SPTB: variants seen among roughly 807,000 people sequenced by gnomAD.
SPTB encodes the protein spectrin beta, erythrocytic.
Under a neutral mutation model 256.2 loss-of-function variants are expected in SPTB, and 45 were observed. The ratio of observed to expected loss-of-function variants is 0.18; its 90% CI spans 0.14 to 0.23. The LOEUF is 0.23. Ranked by LOEUF, SPTB falls within the 10% of genes least tolerant of loss-of-function variation. SPTB has a pLI of 1.00. For missense variants in SPTB, 2,715 were observed against 3,040.4 expected (o/e 0.89, Z 2.52); for synonymous variants, 1,231 against 1,243.1 (o/e 0.99, Z 0.21).
intron 15 of SPTB, among the ~76,000 whole-genome samples, chr14:64,791,256 G>C (rs2082664530): frequency 6.6e-6 from 1 of 152,114 alleles, no homozygotes. Flanking sequence ...ACTGGGAAGG[G>C]GACTGTGGCT....
At position 64,760,663 on chromosome 14, in the gene SPTB, G is replaced by C. The variant is rs1215872025; in HGVS notation, c.6345+6063C>G. ...TACTTTTAAGAGATGAAGGACTGAG[G>C]TGGGGGATGGAGAAAAATGAAGGGA... On this transcript the variant is annotated intron_variant, in intron 32 of 35. Transcript: ENST00000644917. This position sits in a 1 kb window ranked among gnomAD's most constrained non-coding sequence, Gnocchi z 4.3. Among the ~76,000 whole-genome samples, 1 of 152,200 alleles carries C rather than the reference G, an allele frequency of 6.6e-6. No homozygotes were observed. Among genetic ancestry groups the C allele is most frequent in the South Asian group, 2.1e-4 (1 of 4,838 alleles).
Position 64,786,579 on chromosome 14 carries a change from T to C in SPTB, c.3386A>G (p.Gln1129Arg), listed in dbSNP as rs769684663. The C allele has an allele frequency of 6.6e-5, 106 of 1,614,052 alleles. No individual in the cohort carries two copies. Among genetic ancestry groups the C allele is most frequent in the Non-Finnish European group, 8.5e-5 (100 of 1,180,034 alleles). Reference sequence around the variant, plus strand: ...CAGATACTCTGGGTCCGTCTGGCCTTGGATCACTTTCTCCCCAGACTCCTT... The same window carrying C: ...CAGATACTCTGGGTCCGTCTGGCCTCGGATCACTTTCTCCCCAGACTCCTT... Reference protein sequence around the residue: ...RVKESGEKVIQGQTDPEYLLL... With the variant: ...RVKESGEKVIRGQTDPEYLLL... The change falls in exon 16 of 36, where the codon CAA becomes CGA. Residue 1129 changes from glutamine to arginine, a missense_variant. Gln to Arg is a conservative substitution (Grantham distance 43). This residue lies in a region of SPTB where 2,239 missense variants were observed against 2,384.4 expected (regional missense o/e 0.94). Transcript: ENST00000644917. The surrounding 1 kb of genome is among the most constrained non-coding windows in gnomAD (Gnocchi z 5.6).
rs756040841 is a variant in SPTB, at chr14:64,787,126, G to A, written c.2839C>T (p.Arg947Trp). ...CGGAGGGCTGAGTCCACAGCCTCCC[G>A]CCGCTCCGACACCAGGGTCTGAAAT... Reference protein sequence around the residue: ...QAFQTLVSERREAVDSALRVH... With the variant: ...QAFQTLVSERWEAVDSALRVH... The change falls in exon 16 of 36, where the codon CGG becomes TGG. Residue 947 changes from arginine (R) to tryptophan (W), a missense_variant. Arg to Trp is a moderately radical substitution (Grantham distance 101). Around this residue, in one of 4 missense-constraint regions of SPTB, gnomAD observed 2,239 missense variants for 2,384.4 expected, o/e 0.94. Coordinates refer to ENST00000644917, the MANE Select transcript of SPTB (RefSeq NM_001355436.2). 1.9e-5 allele frequency: 30 copies of A among 1,607,708 alleles called. No individual in the cohort carries two copies. The highest frequency in any genetic ancestry group is 3.3e-5 in the South Asian group (3 of 91,068).
chr14:64,794,096 T>G (rs1056897531), intron 13 of SPTB, among the ~76,000 whole-genome samples: 1 of 152,166 alleles, frequency 6.6e-6, no homozygotes, highest in Non-Finnish European at 1.5e-5. Context: ...GGTTAGTTCT[T>G]AATAGAAATG....
At chr14:64,809,399 G>A (rs1468307164) in intron 2 of SPTB, among the ~76,000 whole-genome samples, 1 of 151,680 alleles carries the variant, frequency 6.6e-6, no homozygotes, top group Non-Finnish European at 1.5e-5. Flanking sequence ...AGGCTGGAGT[G>A]CAGTGGTGTG....
At chr14:64,822,072 A>C (rs894301456) in intron 2 of SPTB, among the ~76,000 whole-genome samples, 1 of 151,894 alleles carries the variant, frequency 6.6e-6, no homozygotes, top group African/African-American at 2.4e-5. Context: ...GGAAGACGGC[A>C]ACAGTCAATG....
intron 1 of SPTB, among the ~76,000 whole-genome samples, chr14:64,856,240 T>C (rs1455692395): frequency 1.3e-5 from 2 of 152,232 alleles, no homozygotes; most frequent in Non-Finnish European, 2.9e-5. Flanking sequence ...ACAAGGCAGC[T>C]CACTTCCTGA....
At chr14:64,753,147 C>T (rs540834189) in intron 33 of SPTB, among the ~76,000 whole-genome samples, 18 of 152,264 alleles carry the variant, frequency 1.2e-4, no homozygotes, top group Non-Finnish European at 2.2e-4. Flanking sequence ...CCTACCTAAC[C>T]TTTAGAGCTA....
At chr14:64,877,836 G>A (rs1350132889) in intron 1 of SPTB, among the ~76,000 whole-genome samples, 1 of 152,186 alleles carries the variant, frequency 6.6e-6, no homozygotes, top group Non-Finnish European at 1.5e-5. Context: ...ATCCCAGGTA[G>A]GAGTCTTGCT....
At chr14:64,762,184 G>C (rs2082105207) in intron 32 of SPTB, among the ~76,000 whole-genome samples, 1 of 152,212 alleles carries the variant, frequency 6.6e-6, no homozygotes, top group Non-Finnish European at 1.5e-5. Flanking sequence ...AACATGCCCA[G>C]GTTTTGGGGA....
intron 15 of SPTB, among the ~76,000 whole-genome samples, chr14:64,787,681 A>G (rs2082598373): frequency 6.6e-6 from 1 of 152,218 alleles, no homozygotes; most frequent in Non-Finnish European, 1.5e-5. Flanking sequence ...GAAGAAGAGG[A>G]CAGGGAAGAA....
Position 64,749,257 on chromosome 14 carries a change from G to A in SPTB, c.*49C>T, listed in dbSNP as rs115474163. 6.5e-7 allele frequency: 1 copy of A among 1,537,410 alleles called. No individual in the cohort carries two copies. The highest frequency in any genetic ancestry group is 8.7e-7 in the Non-Finnish European group (1 of 1,146,386). ...GCGAGAGGAGGCCAAGGCCTGGGCT[G>A]CCCGGTCTCTGCGCGTCCCGACTCC... On this transcript the variant is annotated 3_prime_UTR_variant, in exon 36 of 36. Transcript: ENST00000644917. The surrounding 1 kb of genome is among the most constrained non-coding windows in gnomAD (Gnocchi z 4.7).
At chr14:64,765,721 A>T (rs142557112) in intron 32 of SPTB, among the ~76,000 whole-genome samples, 1 of 152,230 alleles carries the variant, frequency 6.6e-6, no homozygotes, top group Non-Finnish European at 1.5e-5. Flanking sequence ...GGGGGAAAGA[A>T]TCGCCTACAA....
At chr14:64,752,103 AAAC>A in intron 33 of SPTB, 1 of 1,160,548 alleles carries the variant, frequency 8.6e-7, no homozygotes, top group South Asian at 1.3e-5. Context: ...AAACAAAACA[AAAC>A]AAAACAAAAC....
At chr14:64,818,325 G>A (rs983676458) in intron 2 of SPTB, among the ~76,000 whole-genome samples, 4 of 152,248 alleles carry the variant, frequency 2.6e-5, no homozygotes, top group African/African-American at 4.8e-5. Flanking sequence ...TCTGTGAGCC[G>A]AGGAGCTGTA....
At chr14:64,784,820 A>T (rs1273919410) in intron 18 of SPTB, among the ~76,000 whole-genome samples, 3 of 152,238 alleles carry the variant, frequency 2.0e-5, no homozygotes, top group Admixed American at 6.5e-5. Context: ...AGGTCAATGA[A>T]AACAAAGTTG....
At chr14:64,791,294 G>A (rs1366182973) in intron 15 of SPTB, among the ~76,000 whole-genome samples, 5 of 152,112 alleles carry the variant, frequency 3.3e-5, no homozygotes, top group Non-Finnish European at 5.9e-5. Context: ...CGGTGGGGGC[G>A]CGGTGGCTTA....
chr14:64,873,156 C>T lies in SPTB; in HGVS notation c.-52+6636G>A, dbSNP rs1882637677. ...GAAATAGTAGAACCACCCTTCTTTC[C>T]CTTCATATTGCTTTATTTTTCTTTT... is the stretch of plus-strand genomic sequence containing the variant. On this transcript the variant is annotated intron_variant, in intron 1 of 35. Coordinates refer to ENST00000644917, the MANE Select transcript of SPTB (RefSeq NM_001355436.2). This position sits in a 1 kb window ranked among gnomAD's most constrained non-coding sequence, Gnocchi z 4.3. Among the ~76,000 whole-genome samples the T allele has an allele frequency of 6.6e-6, 1 of 152,156 alleles. No homozygotes were observed. The highest frequency in any genetic ancestry group is 2.4e-5 in the African/African-American group (1 of 41,424).
chr14:64,749,311 T>C lies in SPTB; in HGVS notation c.6982A>G (p.Lys2328Glu), dbSNP rs761315155. 6.2e-7 allele frequency: 1 copy of C among 1,602,390 alleles called. No individual in the cohort carries two copies. Among genetic ancestry groups the C allele is most frequent in the Non-Finnish European group, 8.5e-7 (1 of 1,176,138 alleles). Reference sequence around the variant, plus strand: ...GCGCCCGCCAGCCCCACCTGCTACTTCTTTTTGGGGAAGAAGCTGAATCTC... The same window carrying C: ...GCGCCCGCCAGCCCCACCTGCTACTCCTTTTTGGGGAAGAAGCTGAATCTC... ...EKRFSFFPKK[K>E] The change falls in exon 36 of 36, where the codon AAG (lysine) becomes GAG (glutamate). Residue 2328 changes from lysine to glutamate, a missense_variant. Transcript: ENST00000644917. The surrounding 1 kb of genome is among the most constrained non-coding windows in gnomAD (Gnocchi z 4.7).
Sources: gnomAD v4.1 joint callset for allele counts (sites outside exome capture counted in the v4.1 genomes callset) on GRCh38, gnomAD v4.1.1 for gene constraint, gnomAD v4.1.1 regional missense constraint, Gnocchi (gnomAD v3.1) non-coding constraint, MANE v1.5 for transcripts, NCBI Gene and HGNC (gene_info 2026-07-23, HGNC 2026-07-21) for gene names.